The following RAP1GAP2 variants were observed in gnomAD, a reference collection of about 807,000 sequenced individuals.
The protein encoded by RAP1GAP2 is RAP1 GTPase activating protein 2.
Under a neutral mutation model 95.0 loss-of-function variants are expected in RAP1GAP2, and 27 were observed. The observed-to-expected ratio is 0.28, with a 90% CI of 0.21 to 0.39. The LOEUF (loss-of-function observed/expected upper bound fraction) is 0.39. Among genes scored for constraint, RAP1GAP2 ranks in the 10% least tolerant of loss-of-function variants. RAP1GAP2 has a pLI of 1.00. For missense variants in RAP1GAP2, 771 were observed against 970.0 expected (o/e 0.79, Z 2.72); for synonymous variants, 373 against 380.9 (o/e 0.98, Z 0.24).
Position 2,861,702 on chromosome 17 carries a change from C to T in RAP1GAP2, c.81-43582C>T, listed in dbSNP as rs369233748. Among the ~76,000 whole-genome samples the T allele has an allele frequency of 1.2e-4, 18 of 151,970 alleles. No individual in the cohort carries two copies. The South Asian group carries it at 1.9e-3, about 16-fold the overall frequency. On this transcript the variant is annotated intron_variant, in intron 2 of 24. Transcript: ENST00000254695. Reference sequence around the variant, plus strand: ...TCGCCCAGGCTGGAGTGCAGTGGCGCGATCACAGCTCGCTGCAAGCTCCGC... The same window carrying T: ...TCGCCCAGGCTGGAGTGCAGTGGCGTGATCACAGCTCGCTGCAAGCTCCGC...
In RAP1GAP2 at chr17:3,003,734, G is replaced by T. The variant is rs1307818577; in HGVS notation, c.1201-1635G>T. 6.6e-6 allele frequency among the ~76,000 whole-genome samples: 1 copy of T among 152,226 alleles called. No individual in the cohort carries two copies. Among genetic ancestry groups the T allele is most frequent in the African/African-American group, 2.4e-5 (1 of 41,464 alleles). On this transcript the variant is annotated intron_variant, in intron 14 of 24. Transcript: ENST00000254695. The surrounding 1 kb of genome is among the most constrained non-coding windows in gnomAD (Gnocchi z 4.1). Reference sequence around the variant, plus strand: ...ATTTAGAAAACAGGAAGGTGGGGCTGTGTTCAGGCAACTTCTGCTTTCAGT... The same window carrying T: ...ATTTAGAAAACAGGAAGGTGGGGCTTTGTTCAGGCAACTTCTGCTTTCAGT...
rs978980979 is a variant in RAP1GAP2 at position 2,825,149 on chromosome 17, G to A, written c.80+24599G>A. 6.6e-6 allele frequency among the ~76,000 whole-genome samples: 1 copy of A among 152,078 alleles called. No homozygotes were observed. Among genetic ancestry groups the A allele is most frequent in the Non-Finnish European group, 1.5e-5 (1 of 68,030 alleles). ...GGGTCTTGCTATGCTGTCCAGGCTGGTCTTGAACTCCTGGCCTCAAGTGAT... is the reference window on the plus strand; with the variant it reads ...GGGTCTTGCTATGCTGTCCAGGCTGATCTTGAACTCCTGGCCTCAAGTGAT... On this transcript the variant is annotated intron_variant, in intron 2 of 24. Transcript: ENST00000254695. The surrounding 1 kb of genome is among the most constrained non-coding windows in gnomAD (Gnocchi z 4.1).
intron 2 of RAP1GAP2, among the ~76,000 whole-genome samples, chr17:2,891,878 T>C (rs1223647016): frequency 1.4e-5 from 2 of 138,194 alleles, no homozygotes; most frequent in Non-Finnish European, 3.1e-5. Context: ...GGCTGGAGTG[T>C]AATGATGTGA....
intron 1 of RAP1GAP2, among the ~76,000 whole-genome samples, chr17:2,762,686 G>A (rs887536946): frequency 6.6e-6 from 1 of 151,558 alleles, no homozygotes; most frequent in Non-Finnish European, 1.5e-5. Flanking sequence ...AATTACGTGA[G>A]CCACTGCACC....
intron 2 of RAP1GAP2, among the ~76,000 whole-genome samples, chr17:2,828,278 T>C (rs1597386202): frequency 6.6e-6 from 1 of 150,694 alleles, no homozygotes; most frequent in South Asian, 2.1e-4. Context: ...GAGGCGGAGG[T>C]TGCAGTGAGC....
At chr17:2,966,634 G>A (rs922891320) in intron 8 of RAP1GAP2, among the ~76,000 whole-genome samples, 1 of 152,114 alleles carries the variant, frequency 6.6e-6, no homozygotes, top group Non-Finnish European at 1.5e-5. Flanking sequence ...ATCTTAGTTT[G>A]TTTCTTATCA....
intron 11 of RAP1GAP2, among the ~76,000 whole-genome samples, chr17:2,990,697 C>T (rs756903947): frequency 3.3e-5 from 5 of 152,022 alleles, no homozygotes; most frequent in Non-Finnish European, 7.4e-5. Flanking sequence ...TCAGCAGCAG[C>T]GTGTGATGGT....
intron 17 of RAP1GAP2, among the ~76,000 whole-genome samples, chr17:3,014,078 G>A (rs1017072366): frequency 6.0e-5 from 9 of 151,186 alleles, no homozygotes; most frequent in Non-Finnish European, 8.9e-5. Context: ...TATAGAGCCC[G>A]TGGCTGCCAG....
At chr17:2,885,028 C>CTTTTTTTTTTTTTTTTTTT (rs891984333) in intron 2 of RAP1GAP2, among the ~76,000 whole-genome samples, 7 of 112,508 alleles carry the variant, frequency 6.2e-5, no homozygotes, top group African/African-American at 1.1e-4. Flanking sequence ...TTATTTCTTT[C>CTTTTTTTTTTTTTTTTTTT]TTTTTTTTTT....
At chr17:3,017,999 G>A in intron 17 of RAP1GAP2, 62 bp from the exon 18 acceptor site, 1 of 1,513,850 alleles carries the variant, frequency 6.6e-7, no homozygotes. Flanking sequence ...ACCCCACGAG[G>A]AGGGCAGAGT....
At chr17:2,969,496 C>CTTTTTTTTTTTT (rs34468461) in intron 8 of RAP1GAP2, among the ~76,000 whole-genome samples, 8 of 83,782 alleles carry the variant, frequency 9.5e-5, no homozygotes, top group African/African-American at 2.7e-4. Flanking sequence ...TATATATATT[C>CTTTTTTTTTTTT]TTTTTTTTTT....
At position 3,004,111 on chromosome 17, in the gene RAP1GAP2, CT is replaced by C. The variant is rs576455887; in HGVS notation, c.1201-1257del. ...CCATAGCCTTCCCACACCCCCACCCCTGATTCTGGCTCTGTGACTGAATTCT... is the reference window on the plus strand; with the variant it reads ...CCATAGCCTTCCCACACCCCCACCCCGATTCTGGCTCTGTGACTGAATTCT... On this transcript the variant is annotated intron_variant, in intron 14 of 24. Transcript: ENST00000254695. The surrounding 1 kb of genome is among the most constrained non-coding windows in gnomAD (Gnocchi z 4.1). 2.6e-5 allele frequency among the ~76,000 whole-genome samples: 4 copies of C among 152,330 alleles called. No individual in the cohort carries two copies. The East Asian group carries it at 7.7e-4, about 29-fold the overall frequency.
chr17:2,793,629 A>G, upstream of RAP1GAP2, among the ~76,000 whole-genome samples: 1 of 152,172 alleles, frequency 6.6e-6, no homozygotes, highest in East Asian at 1.9e-4. Flanking sequence ...TCCCACTTTC[A>G]CTTGTTCACT....
At chr17:2,879,794 A>T (rs559547144) in intron 2 of RAP1GAP2, among the ~76,000 whole-genome samples, 1 of 151,134 alleles carries the variant, frequency 6.6e-6, no homozygotes, top group East Asian at 2.0e-4. Context: ...CTCTCCCTCC[A>T]TTCAGATCCA....
At chr17:2,994,249 C>G (rs921881464) in intron 12 of RAP1GAP2, among the ~76,000 whole-genome samples, 1 of 151,952 alleles carries the variant, frequency 6.6e-6, no homozygotes, top group African/African-American at 2.4e-5. Context: ...TTCTTTCTGC[C>G]ATGCCAGCCT....
At chr17:2,878,363 C>T (rs922856671) in intron 2 of RAP1GAP2, among the ~76,000 whole-genome samples, 4 of 152,064 alleles carry the variant, frequency 2.6e-5, no homozygotes, top group South Asian at 2.1e-4. Flanking sequence ...CCCAGGCTGG[C>T]GGTGGAAAAT....
chr17:2,905,242 G>A (rs1346767617), intron 2 of RAP1GAP2, 42 bp from the exon 3 acceptor site: 2 of 1,571,082 alleles, frequency 1.3e-6, no homozygotes, highest in Admixed American at 1.7e-5. Context: ...AGAAGGGAAG[G>A]CGCAGGCAGG....
intron 2 of RAP1GAP2, among the ~76,000 whole-genome samples, chr17:2,837,306 C>T (rs1170384875): frequency 6.6e-6 from 1 of 150,882 alleles, no homozygotes; most frequent in African/African-American, 2.4e-5. Context: ...AAGCCTGCAT[C>T]GTGTACCTAC....
chr17:3,007,891 G>A (rs999729806), intron 16 of RAP1GAP2, 120 bp from the exon 17 acceptor site: 29 of 1,256,784 alleles, frequency 2.3e-5, no homozygotes, highest in South Asian at 4.4e-5. Context: ...GGTCCACACC[G>A]TTGCTGGGCC....
Sources: allele counts gnomAD v4.1 joint callset (sites outside exome capture counted in the v4.1 genomes callset), GRCh38; gene constraint gnomAD v4.1.1; non-coding constraint Gnocchi (gnomAD v3.1); transcripts MANE v1.5; gene names NCBI Gene and HGNC (gene_info 2026-07-23, HGNC 2026-07-21).